ARHGAP26: variants seen among roughly 807,000 people sequenced by gnomAD.
The protein encoded by ARHGAP26 is rho GTPase-activating protein 26.
In ARHGAP26, 38 loss-of-function variants were observed where a neutral mutation model predicts 104.8. That is an observed-to-expected ratio of 0.36 (90% CI 0.28 to 0.48). ARHGAP26 has a LOEUF of 0.48. Among genes scored for constraint, ARHGAP26 ranks in the 20% least tolerant of loss-of-function variants. The probability of loss-of-function intolerance (pLI) is 0.99; values close to 1 mark genes in which losing one functional copy is unlikely to be tolerated. For synonymous variants in ARHGAP26, 341 were observed against 340.0 expected, an observed-to-expected ratio of 1.00 and a Z score of -0.03; for missense variants, 704 against 947.9, an observed-to-expected ratio of 0.74 and a Z score of 3.38.
chr5:142,866,008 C>T (rs977893873), intron 1 of ARHGAP26, among the ~76,000 whole-genome samples: 29 of 151,434 alleles, frequency 1.9e-4, no homozygotes, highest in Admixed American at 7.9e-4. Context: ...TCAGCTCAAA[C>T]GCTACTCCCT....
At chr5:143,187,493 G>T (rs1229571351) in intron 20 of ARHGAP26, among the ~76,000 whole-genome samples, 1 of 152,196 alleles carries the variant, frequency 6.6e-6, no homozygotes, top group Non-Finnish European at 1.5e-5. Context: ...TTTGTGTCAG[G>T]CATTTCCTGG....
chr5:143,179,501 A>G (rs1355594544), intron 20 of ARHGAP26, among the ~76,000 whole-genome samples: 1 of 152,214 alleles, frequency 6.6e-6, no homozygotes, highest in Admixed American at 6.5e-5. Flanking sequence ...CTTGCTGCTC[A>G]GAACAGACAC....
At chr5:143,087,636 C>CTTTTTT (rs35201189) in intron 17 of ARHGAP26, among the ~76,000 whole-genome samples, 580 of 51,564 alleles carry the variant, frequency 0.011, 186 homozygotes, top group Non-Finnish European at 0.014. Context: ...CTGGCCCATT[C>CTTTTTT]TTTTTTTTTT....
At chr5:143,008,924 A>G in intron 11 of ARHGAP26, among the ~76,000 whole-genome samples, 1 of 152,184 alleles carries the variant, frequency 6.6e-6, no homozygotes, top group East Asian at 1.9e-4. Flanking sequence ...AGTGAACAGA[A>G]TTTATTGCAA....
chr5:143,044,502 G>A (rs1366928128), intron 14 of ARHGAP26, among the ~76,000 whole-genome samples: 1 of 134,362 alleles, frequency 7.4e-6, no homozygotes, highest in African/African-American at 2.8e-5. Flanking sequence ...CACATGATTC[G>A]TTTCTCAATC....
At chr5:143,204,825 A>G (rs976682013) in intron 20 of ARHGAP26, among the ~76,000 whole-genome samples, 4 of 151,792 alleles carry the variant, frequency 2.6e-5, no homozygotes, top group Admixed American at 1.3e-4. Flanking sequence ...AAAAAGTTGG[A>G]AGGACTTTTT....
chr5:143,221,869 T>C (rs990454376), intron 22 of ARHGAP26, among the ~76,000 whole-genome samples: 11 of 150,150 alleles, frequency 7.3e-5, no homozygotes, highest in Non-Finnish European at 1.3e-4. Flanking sequence ...CAGTCTTCCA[T>C]GGGCACTGCA....
intron 11 of ARHGAP26, among the ~76,000 whole-genome samples, chr5:142,955,384 C>T (rs1311537542): frequency 2.0e-5 from 3 of 152,002 alleles, no homozygotes; most frequent in Non-Finnish European, 4.4e-5. Flanking sequence ...GTTTGAGAAA[C>T]GAGGAAATAT....
chr5:142,931,976 T>G, intron 10 of ARHGAP26, 71 bp from the exon 11 acceptor site: 1 of 1,419,330 alleles, frequency 7.0e-7, no homozygotes. Flanking sequence ...AGTGGATGTT[T>G]AAGATTTGCC....
At chr5:142,881,078 C>T (rs1026046692) in intron 4 of ARHGAP26, among the ~76,000 whole-genome samples, 3 of 152,198 alleles carry the variant, frequency 2.0e-5, no homozygotes, top group African/African-American at 7.2e-5. Flanking sequence ...GTTAATAAGC[C>T]GTGAGCGAAT....
chr5:143,062,033 A>G (rs1412415639), intron 17 of ARHGAP26, among the ~76,000 whole-genome samples: 1 of 152,240 alleles, frequency 6.6e-6, no homozygotes, highest in African/African-American at 2.4e-5. Context: ...GGATATCAGA[A>G]TAAAGGCAGA....
chr5:143,057,807 T>A, intron 17 of ARHGAP26, 60 bp downstream of exon 17: 1 of 1,390,296 alleles, frequency 7.2e-7, no homozygotes, highest in Non-Finnish European at 1.0e-6. Flanking sequence ...ATCTTAGCAG[T>A]GAAGCTGGTC....
chr5:143,159,631 G>A (rs1187889827), intron 20 of ARHGAP26, among the ~76,000 whole-genome samples: 2 of 152,188 alleles, frequency 1.3e-5, no homozygotes, highest in African/African-American at 4.8e-5. Context: ...TAACTGATCT[G>A]ATGTAGGGTC....
At chr5:142,791,661 G>A (rs142312895) in intron 1 of ARHGAP26, among the ~76,000 whole-genome samples, 1 of 151,950 alleles carries the variant, frequency 6.6e-6, no homozygotes, top group Admixed American at 6.6e-5. Flanking sequence ...CCTACCCCTC[G>A]CATTTAAAAG....
chr5:143,012,462 T>A (rs1467075661), intron 11 of ARHGAP26, among the ~76,000 whole-genome samples: 2 of 144,382 alleles, frequency 1.4e-5, no homozygotes, highest in East Asian at 3.9e-4. Context: ...CAGAGGTAGT[T>A]GCCTTGGTTT....
In ARHGAP26 at chr5:142,891,558, T is replaced by C. The variant is rs540774855; in HGVS notation, c.487-2680T>C. ...ATGCTGTAAGTTCTATGAAGGAAGT[T>C]TCTTTTTCTCATGATGGTGGAATGG... On this transcript the variant is annotated intron_variant, in intron 5 of 22. Coordinates refer to ENST00000645722, the MANE Select transcript of ARHGAP26 (RefSeq NM_001135608.3). Among the ~76,000 whole-genome samples the C allele has an allele frequency of 2.6e-5, 4 of 152,078 alleles. No homozygotes were observed. In the East Asian group the frequency reaches 7.7e-4, roughly 29 times the overall value.
intron 21 of ARHGAP26, among the ~76,000 whole-genome samples, chr5:143,213,465 G>A (rs1298604959): frequency 6.6e-6 from 1 of 152,164 alleles, no homozygotes; most frequent in Non-Finnish European, 1.5e-5. Flanking sequence ...TGTCTCACCA[G>A]CAAGACCCAG....
At chr5:142,868,922 C>T (rs1184531354) in intron 1 of ARHGAP26, 1 of 152,624 alleles carries the variant, frequency 6.6e-6, no homozygotes, top group Non-Finnish European at 1.5e-5. Flanking sequence ...TCACATCGTA[C>T]AACAGGTTTG....
chr5:142,994,822 T>C (rs1009853097), intron 11 of ARHGAP26, among the ~76,000 whole-genome samples: 1 of 152,244 alleles, frequency 6.6e-6, no homozygotes, highest in South Asian at 2.1e-4. Context: ...TTATGTGGTA[T>C]GCTCTCCATT....
Sources: allele counts gnomAD v4.1 joint callset (sites outside exome capture counted in the v4.1 genomes callset), GRCh38; gene constraint gnomAD v4.1.1; transcripts MANE v1.5; gene names NCBI Gene and HGNC (gene_info 2026-07-23, HGNC 2026-07-21).